The following PCDH15 variants were observed in gnomAD, a reference collection of about 807,000 sequenced individuals.
PCDH15 encodes the protein protocadherin-15.
A neutral mutation model predicts 178.5 loss-of-function variants in PCDH15; 129 were observed. The ratio of observed to expected loss-of-function variants is 0.72; its 90% CI spans 0.63 to 0.84. PCDH15 has a LOEUF of 0.84. Ranked by LOEUF, PCDH15 falls within the 40% of genes least tolerant of loss-of-function variation. The pLI, the probability that PCDH15 is intolerant of heterozygous loss-of-function variation, is 0.00. For synonymous variants in PCDH15, 800 were observed against 732.0 expected (o/e 1.09, Z -1.50); for missense variants, 2,230 against 2,099.9 (o/e 1.06, Z -1.21).
At chr10:55,566,032 T>G (rs1036209007) in intron 2 of PCDH15, among the ~76,000 whole-genome samples, 2 of 151,712 alleles carry the variant, frequency 1.3e-5, no homozygotes, top group Non-Finnish European at 3.0e-5. Flanking sequence ...TTATAAACAC[T>G]GATGCAAAAA....
At chr10:54,022,313 G>C (rs188349349) in intron 19 of PCDH15, among the ~76,000 whole-genome samples, 1 of 143,578 alleles carries the variant, frequency 7.0e-6, no homozygotes, top group Admixed American at 7.3e-5. Context: ...TAGATTACTA[G>C]AAGATGGCTT....
At chr10:55,157,652 G>C (rs2132108859) in intron 2 of PCDH15, among the ~76,000 whole-genome samples, 1 of 152,008 alleles carries the variant, frequency 6.6e-6, no homozygotes, top group Middle Eastern at 3.4e-3. Flanking sequence ...CATGTCCTTT[G>C]TAGGGACATG....
intron 2 of PCDH15, among the ~76,000 whole-genome samples, chr10:54,900,116 T>C (rs1162414520): frequency 6.6e-6 from 1 of 152,180 alleles, no homozygotes; most frequent in Non-Finnish European, 1.5e-5. Context: ...TTAAGGCATG[T>C]TCAAACTTAT....
intron 3 of PCDH15, among the ~76,000 whole-genome samples, chr10:54,856,236 G>A (rs11004602): frequency 0.027 from 4,095 of 152,288 alleles, 99 homozygotes; most frequent in Middle Eastern, 0.058. Context: ...GGAAAGAGGT[G>A]TGTGACAAAC....
chr10:54,260,486 A>G (rs1231164360), intron 8 of PCDH15, among the ~76,000 whole-genome samples: 1 of 124,130 alleles, frequency 8.1e-6, no homozygotes, highest in African/African-American at 3.0e-5. Context: ...TAAAGTAACT[A>G]TTTCCAGTTT....
At chr10:55,118,432 A>T (rs948401109) in intron 2 of PCDH15, among the ~76,000 whole-genome samples, 18 of 152,138 alleles carry the variant, frequency 1.2e-4, no homozygotes, top group African/African-American at 4.3e-4. Flanking sequence ...GGAAGACTGG[A>T]CTATGACATT....
chr10:55,186,963 C>T (rs759889064), intron 1 of PCDH15, among the ~76,000 whole-genome samples: 3 of 151,676 alleles, frequency 2.0e-5, no homozygotes, highest in African/African-American at 4.8e-5. Flanking sequence ...AAATTCTCAG[C>T]GTTGAATGAA....
intron 17 of PCDH15, among the ~76,000 whole-genome samples, chr10:54,076,524 T>G (rs370549665): frequency 6.6e-5 from 10 of 152,166 alleles, no homozygotes; most frequent in East Asian, 1.9e-4. Context: ...CCTCTGATAC[T>G]ATGTTGAACA....
intron 2 of PCDH15, among the ~76,000 whole-genome samples, chr10:54,652,622 G>A (rs774548629): frequency 2.0e-5 from 3 of 152,140 alleles, no homozygotes; most frequent in Non-Finnish European, 2.9e-5. Flanking sequence ...CTCTTAAGGT[G>A]AAACCTGTAA....
intron 2 of PCDH15, among the ~76,000 whole-genome samples, chr10:55,399,818 A>T (rs1838021374): frequency 6.6e-6 from 1 of 152,134 alleles, no homozygotes; most frequent in African/African-American, 2.4e-5. Flanking sequence ...TTCTTATGAG[A>T]AAAATTCAGT....
intron 3 of PCDH15, among the ~76,000 whole-genome samples, chr10:54,451,331 A>C (rs1043997523): frequency 3.3e-5 from 5 of 151,910 alleles, no homozygotes; most frequent in Admixed American, 1.3e-4. Context: ...AAGTCTATAG[A>C]CTTCAACTAG....
chr10:53,802,798 C>G lies in PCDH15; in HGVS notation c.*3781G>C, dbSNP rs1313267146. 1 of 151,814 alleles carries G rather than the reference C, an allele frequency of 6.6e-6. No individual in the cohort carries two copies. Among genetic ancestry groups the G allele is most frequent in the African/African-American group, 2.4e-5 (1 of 41,386 alleles). 9.4% of individuals were successfully genotyped at this position (151,814 alleles called of 1,614,324 possible). A position where few individuals can be genotyped will look rare whatever the true frequency, so the allele number is the denominator to read the frequency against. On this transcript the variant is annotated 3_prime_UTR_variant, in exon 38 of 38. Coordinates refer to ENST00000644397, the MANE Select transcript of PCDH15 (RefSeq NM_001384140.1). ...TTCAAATGAAAATTTATTTTTGAAA[C>G]ATTGTGTAGTGAATAACAATGCATT...
intron 6 of PCDH15, among the ~76,000 whole-genome samples, chr10:54,342,099 G>A (rs1942339856): frequency 6.6e-6 from 1 of 152,186 alleles, no homozygotes; most frequent in South Asian, 2.1e-4. Context: ...ATTTTCTGGG[G>A]GAAAATTCAA....
intron 1 of PCDH15, among the ~76,000 whole-genome samples, chr10:54,679,763 AG>A (rs1183644216): frequency 2.0e-5 from 3 of 152,204 alleles, no homozygotes; most frequent in Non-Finnish European, 4.4e-5. Context: ...TACCATTAGA[AG>A]TAAAATAATG....
intron 2 of PCDH15, among the ~76,000 whole-genome samples, chr10:55,471,823 A>G (rs979419884): frequency 3.3e-5 from 5 of 152,158 alleles, no homozygotes; most frequent in African/African-American, 1.2e-4. Context: ...CACAACTTCT[A>G]CTTAAATCTT....
At chr10:54,549,665 A>T (rs1331982258) in intron 2 of PCDH15, among the ~76,000 whole-genome samples, 1 of 151,666 alleles carries the variant, frequency 6.6e-6, no homozygotes, top group African/African-American at 2.4e-5. Flanking sequence ...CCTTTGGTAT[A>T]GGTTTTTATA....
At chr10:55,260,879 G>A (rs954495754) in intron 1 of PCDH15, among the ~76,000 whole-genome samples, 1 of 152,016 alleles carries the variant, frequency 6.6e-6, no homozygotes, top group African/African-American at 2.4e-5. Flanking sequence ...CTTTGATCTC[G>A]GTTGGAATTT....
At chr10:55,216,092 T>C (rs1483651152) in intron 1 of PCDH15, among the ~76,000 whole-genome samples, 1 of 151,864 alleles carries the variant, frequency 6.6e-6, no homozygotes, top group Non-Finnish European at 1.5e-5. Flanking sequence ...ATGTAAAATA[T>C]ATTAATGCTC....
At chr10:54,394,672 G>A (rs1189105827) in intron 3 of PCDH15, among the ~76,000 whole-genome samples, 3 of 152,124 alleles carry the variant, frequency 2.0e-5, no homozygotes, top group Non-Finnish European at 4.4e-5. Flanking sequence ...ACAGGGTTTT[G>A]AGATCAACTG....
Sources: gnomAD v4.1 joint callset for allele counts (sites outside exome capture counted in the v4.1 genomes callset) on GRCh38, gnomAD v4.1.1 for gene constraint, MANE v1.5 for transcripts, NCBI Gene and HGNC (gene_info 2026-07-23, HGNC 2026-07-21) for gene names.